Variants in MLLT3 observed in about 807,000 individuals in gnomAD.
MLLT3 encodes the protein MLLT3 super elongation complex subunit, also known as protein AF-9.
Under a neutral mutation model 53.2 loss-of-function variants are expected in MLLT3, and 4 were observed. That is an observed-to-expected ratio of 0.08 (90% CI 0.04 to 0.17). MLLT3 has a LOEUF of 0.17. Among genes scored for constraint, MLLT3 ranks in the 10% least tolerant of loss-of-function variants. The pLI is 1.00. For synonymous variants in MLLT3, 283 were observed against 230.6 expected (o/e 1.23, Z -2.06); for missense variants, 569 against 684.0 (o/e 0.83, Z 1.87).
At chr9:20,556,336 C>T (rs1357935055) in intron 2 of MLLT3, among the ~76,000 whole-genome samples, 1 of 151,980 alleles carries the variant, frequency 6.6e-6, no homozygotes, top group Admixed American at 6.6e-5. Context: ...ATAAGTATGA[C>T]ATGATAATCC....
intron 2 of MLLT3, among the ~76,000 whole-genome samples, chr9:20,606,853 T>C (rs1028185507): frequency 6.6e-6 from 1 of 152,160 alleles, no homozygotes; most frequent in Non-Finnish European, 1.5e-5. Flanking sequence ...AGTAGTTCTC[T>C]TGCTATTGAA....
intron 9 of MLLT3, among the ~76,000 whole-genome samples, chr9:20,353,816 T>C (rs1248083368): frequency 6.6e-6 from 1 of 152,180 alleles, no homozygotes; most frequent in Non-Finnish European, 1.5e-5. Context: ...AAAAGGGAGT[T>C]GGAGTGAATT....
In MLLT3 at chr9:20,582,170, T is replaced by C. The variant is rs1322567686; in HGVS notation, c.193+38484A>G. 7.9e-5 allele frequency among the ~76,000 whole-genome samples: 12 copies of C among 152,280 alleles called. 1 individual carries two copies. The highest frequency in any genetic ancestry group is 2.9e-4 in the African/African-American group (12 of 41,574). On this transcript the variant is annotated intron_variant, in intron 2 of 10. Transcript: ENST00000380338. ...TCTACCTGGCTCTCATTTTCCCCTA[T>C]TATTAACATCTTGCATTGGGGTGGT...
At chr9:20,362,470 C>G (rs1393415530) in intron 7 of MLLT3, among the ~76,000 whole-genome samples, 2 of 152,048 alleles carry the variant, frequency 1.3e-5, no homozygotes, top group Non-Finnish European at 2.9e-5. Flanking sequence ...AGACAAAAGA[C>G]TTCTAAAGGG....
At chr9:20,598,375 C>T (rs1270266896) in intron 2 of MLLT3, among the ~76,000 whole-genome samples, 1 of 152,162 alleles carries the variant, frequency 6.6e-6, no homozygotes, top group Non-Finnish European at 1.5e-5. Flanking sequence ...TCCCCTTCGC[C>T]CCACATATGA....
Position 20,482,978 on chromosome 9 carries a change from C to A in MLLT3, c.194-26192G>T, listed in dbSNP as rs193215001. 5.2e-4 allele frequency among the ~76,000 whole-genome samples: 79 copies of A among 152,126 alleles called. No individual in the cohort carries two copies. In the South Asian group the frequency reaches 0.011, roughly 20 times the overall value. ...AGCAGTCTATCCTCAATTTTCTTTG[C>A]TGATCTTAGGATTGTACAGTACTAC... On this transcript the variant is annotated intron_variant, in intron 2 of 10. Transcript: ENST00000380338.
Position 20,351,923 on chromosome 9 carries a change from C to T in MLLT3, c.1575+1602G>A, listed in dbSNP as rs187647840. Among the ~76,000 whole-genome samples the T allele has an allele frequency of 6.0e-3, 915 of 152,288 alleles. 5 individuals carry two copies. The highest frequency in any genetic ancestry group is 0.012 in the Admixed American group (176 of 15,292). On this transcript the variant is annotated intron_variant, in intron 10 of 10. Coordinates refer to ENST00000380338, the MANE Select transcript of MLLT3 (RefSeq NM_004529.4). ...GCATTACAAGGCAAAAGGCCAAAGACTGAGAGCTTTCAACCGGCCTGGGAA... is the reference window on the plus strand; with the variant it reads ...GCATTACAAGGCAAAAGGCCAAAGATTGAGAGCTTTCAACCGGCCTGGGAA...
rs754570232 is a variant in MLLT3, at chr9:20,620,845, G to T, written c.13-11C>A. 1 of 1,613,990 alleles carries T rather than the reference G, an allele frequency of 6.2e-7. No individual in the cohort carries two copies. Among genetic ancestry groups the T allele is most frequent in the South Asian group, 1.1e-5 (1 of 91,072 alleles). The stretch of plus-strand genomic sequence containing the variant: ...CACCTGCACGGCACACTGCGGGCAG[G>T]GGGAGGAGAGACAGCCGTGAATAAC... On this transcript the variant is annotated splice_polypyrimidine_tract_variant and intron_variant, in intron 1 of 10. Transcript: ENST00000380338. This position sits in a 1 kb window ranked among gnomAD's most constrained non-coding sequence, Gnocchi z 6.1.
chr9:20,551,234 GAAT>G (rs1321758203), intron 2 of MLLT3, among the ~76,000 whole-genome samples: 1 of 152,158 alleles, frequency 6.6e-6, no homozygotes, highest in Non-Finnish European at 1.5e-5. Flanking sequence ...CCCCAAGAAA[GAAT>G]AATAACATAC....
intron 2 of MLLT3, among the ~76,000 whole-genome samples, chr9:20,542,835 T>C (rs999037864): frequency 6.6e-6 from 1 of 152,252 alleles, no homozygotes; most frequent in African/African-American, 2.4e-5. Flanking sequence ...CTGTTTGGTT[T>C]ACATTGAAAA....
intron 2 of MLLT3, among the ~76,000 whole-genome samples, chr9:20,574,697 G>A (rs1296054286): frequency 6.6e-6 from 1 of 152,156 alleles, no homozygotes; most frequent in Non-Finnish European, 1.5e-5. Context: ...GATGGCTGCT[G>A]ACTAATCAGG....
intron 2 of MLLT3, among the ~76,000 whole-genome samples, chr9:20,560,824 T>G (rs972125560): frequency 6.6e-6 from 1 of 152,124 alleles, no homozygotes; most frequent in African/African-American, 2.4e-5. Context: ...GGGGTACATG[T>G]GAGTATTTTT....
intron 2 of MLLT3, among the ~76,000 whole-genome samples, chr9:20,616,444 G>C (rs1300016951): frequency 1.3e-5 from 2 of 151,966 alleles, no homozygotes; most frequent in East Asian, 3.9e-4. Flanking sequence ...GTTTTAAAAA[G>C]TTATGTGTGC....
chr9:20,494,896 G>A (rs960449936), intron 2 of MLLT3, among the ~76,000 whole-genome samples: 4 of 152,174 alleles, frequency 2.6e-5, no homozygotes, highest in East Asian at 1.9e-4. Context: ...AGGGAAAGGA[G>A]TAAGCCCATA....
chr9:20,513,760 G>A (rs1280961406), intron 2 of MLLT3, among the ~76,000 whole-genome samples: 1 of 152,196 alleles, frequency 6.6e-6, no homozygotes, highest in African/African-American at 2.4e-5. Context: ...GAGGAGGCAG[G>A]GAGTGGATAG....
intron 5 of MLLT3, among the ~76,000 whole-genome samples, chr9:20,376,246 T>C (rs1474804565): frequency 6.6e-6 from 1 of 152,214 alleles, no homozygotes; most frequent in African/African-American, 2.4e-5. Flanking sequence ...CTCTTTTTAG[T>C]AGATGCTCTC....
chr9:20,367,639 T>C (rs1388483438), intron 5 of MLLT3, among the ~76,000 whole-genome samples: 1 of 152,222 alleles, frequency 6.6e-6, no homozygotes, highest in African/African-American at 2.4e-5. Flanking sequence ...CACAATAACT[T>C]AGTCATGTTC....
In MLLT3 at chr9:20,384,691, A is replaced by G. The variant is rs546583723; in HGVS notation, c.1126-18947T>C. ...CCCATGTGATGGAGTTCTGATAAAT[A>G]TCAATTCATTGGTTTACTGAATCCT... On this transcript the variant is annotated intron_variant, in intron 5 of 10. Coordinates refer to ENST00000380338, the MANE Select transcript of MLLT3 (RefSeq NM_004529.4). 7.9e-5 allele frequency among the ~76,000 whole-genome samples: 12 copies of G among 152,234 alleles called. No individual in the cohort carries two copies. The South Asian group carries it at 1.7e-3, about 21-fold the overall frequency.
Position 20,345,950 on chromosome 9 carries a change from T to C in MLLT3, c.*493A>G, listed in dbSNP as rs981150028. The C allele has an allele frequency of 1.7e-5, 4 of 232,606 alleles. No homozygotes were observed. The highest frequency in any genetic ancestry group is 1.2e-4 in the East Asian group (2 of 16,366). 14.4% of individuals were successfully genotyped at this position (232,606 alleles called of 1,614,324 possible). Reference sequence around the variant, plus strand: ...GGCTTGGGATGGCAAGGGTGCTGCATTGAAAGAGCATCCACGGGACCAAGT... The same window carrying C: ...GGCTTGGGATGGCAAGGGTGCTGCACTGAAAGAGCATCCACGGGACCAAGT... On this transcript the variant is annotated 3_prime_UTR_variant, in exon 11 of 11. Transcript: ENST00000380338.
Sources: gnomAD v4.1 joint callset for allele counts (sites outside exome capture counted in the v4.1 genomes callset) on GRCh38, gnomAD v4.1.1 for gene constraint, Gnocchi (gnomAD v3.1) non-coding constraint, MANE v1.5 for transcripts, NCBI Gene and HGNC (gene_info 2026-07-23, HGNC 2026-07-21) for gene names.